FRMPD4: variants seen among roughly 807,000 people sequenced by gnomAD.
FRMPD4 encodes the protein FERM and PDZ domain containing 4, also known as FERM and PDZ domain-containing protein 4.
Under a neutral mutation model 94.1 loss-of-function variants are expected in FRMPD4, and 22 were observed. The ratio of observed to expected loss-of-function variants is 0.23; its 90% CI spans 0.17 to 0.33. FRMPD4 has a LOEUF of 0.33. FRMPD4 is among the 10% of genes least tolerant of loss of function. The pLI is 1.00. For synonymous variants in FRMPD4, 631 were observed against 548.6 expected (o/e 1.15, Z -2.10); for missense variants, 1,111 against 1,339.9 (o/e 0.83, Z 2.67).
intron 2 of FRMPD4, among the ~76,000 whole-genome samples, chrX:11,875,561 C>T (rs923536628): frequency 8.9e-6 from 1 of 112,014 alleles, no homozygotes; most frequent in African/African-American, 3.2e-5. Flanking sequence ...CACTGAATAT[C>T]CTGTGAATTT....
intron 3 of FRMPD4, among the ~76,000 whole-genome samples, chrX:11,988,828 CA>C (rs1232605597): frequency 8.9e-6 from 1 of 111,816 alleles, no homozygotes; most frequent in African/African-American, 3.2e-5. Flanking sequence ...AGAAGACATA[CA>C]AATGGCAAAC....
chrX:12,081,100 C>T (rs6640885), intron 3 of FRMPD4, among the ~76,000 whole-genome samples: 7,898 of 111,593 alleles, frequency 0.071, 275 homozygotes, highest in East Asian at 0.24. Context: ...AAAGACTAGA[C>T]TATGGTTTAC....
In FRMPD4 at chrX:12,716,298, C is replaced by T; in HGVS notation, c.1839C>T (p.Pro613=). The T allele has an allele frequency of 3.3e-6, 4 of 1,210,518 alleles. No individual in the cohort carries two copies. Among genetic ancestry groups the T allele is most frequent in the Non-Finnish European group, 4.5e-6 (4 of 894,290 alleles). The change falls in exon 15 of 17, where the codon CCC becomes CCT. Residue 613 remains proline, a synonymous_variant. Transcript: ENST00000675598. ...GACTTAACCAGCAGCTGAGCCAGCC[C>T]GGGGAGGCCCCCTGTGAGGCAGACT... ...SDGLNQQLSQ[P]GEAPCEADYR...
intron 3 of FRMPD4, among the ~76,000 whole-genome samples, chrX:12,121,276 T>G (rs1634280): frequency 0.15 from 16,461 of 109,954 alleles, 1,400 homozygotes; most frequent in African/African-American, 0.32. Context: ...AGATCTTAGA[T>G]TTGCAAAAAA....
chrX:12,650,474 T>A (rs1159664157), intron 4 of FRMPD4, among the ~76,000 whole-genome samples: 1 of 112,210 alleles, frequency 8.9e-6, no homozygotes, highest in African/African-American at 3.2e-5. Context: ...GTTTAATGAA[T>A]TCCAACGGTC....
At chrX:12,463,566 C>G (rs139634752) in intron 1 of FRMPD4, among the ~76,000 whole-genome samples, 109 of 110,554 alleles carry the variant, frequency 9.9e-4, no homozygotes, top group Middle Eastern at 9.4e-3. Context: ...AGTAAGCATT[C>G]GTTTTGACCA....
In FRMPD4 at chrX:12,106,544, G is replaced by A. The variant is rs756769868; in HGVS notation, c.95+228526G>A. On this transcript the variant is annotated intron_variant, in intron 3 of 18. Transcript: ENST00000640291. ...CGGGTTCATCTCACTGGGGCTTGTC[G>A]GACAGTAGGGGCAGGACAGTGGGTG... Among the ~76,000 whole-genome samples the A allele has an allele frequency of 3.0e-3, 338 of 111,070 alleles. 1 individual carries two copies. Among genetic ancestry groups the A allele is most frequent in the Non-Finnish European group, 4.8e-3 (253 of 52,924 alleles).
intron 3 of FRMPD4, among the ~76,000 whole-genome samples, chrX:12,076,348 G>A (rs1353922795): frequency 9.2e-6 from 1 of 109,288 alleles, no homozygotes; most frequent in South Asian, 4.0e-4. Flanking sequence ...GTGTGTGTGT[G>A]TGTGTGTGTA....
intron 1 of FRMPD4, among the ~76,000 whole-genome samples, chrX:12,148,180 C>T (rs1260186974): frequency 3.6e-5 from 4 of 112,279 alleles, no homozygotes; most frequent in South Asian, 7.4e-4. Context: ...ATGTTGAAAG[C>T]TGAGATAGGC....
intron 2 of FRMPD4, among the ~76,000 whole-genome samples, chrX:11,870,532 G>A (rs778387782): frequency 9.0e-6 from 1 of 111,618 alleles, no homozygotes; most frequent in East Asian, 2.8e-4. Context: ...TTCTTATACT[G>A]TGCTGCCTCC....
At chrX:12,479,137 C>T (rs5934006) in intron 1 of FRMPD4, among the ~76,000 whole-genome samples, 16,550 of 109,472 alleles carry the variant, frequency 0.15, 988 homozygotes, top group African/African-American at 0.17. Flanking sequence ...AAAGCATAAA[C>T]CAAATTTATG....
intron 1 of FRMPD4, among the ~76,000 whole-genome samples, chrX:12,220,152 GCAACAA>G (rs3063515): frequency 0.41 from 43,283 of 106,084 alleles, 6,835 homozygotes; most frequent in Non-Finnish European, 0.46. Context: ...AACAACAACA[GCAACAA>G]CAACAACAAC....
chrX:12,602,926 G>A (rs957553894), intron 2 of FRMPD4, among the ~76,000 whole-genome samples: 2 of 112,166 alleles, frequency 1.8e-5, no homozygotes, highest in African/African-American at 6.5e-5. Context: ...AGAGCCAAGG[G>A]GCAGAGAAAC....
intron 1 of FRMPD4, among the ~76,000 whole-genome samples, chrX:11,838,278 T>C (rs2053513219): frequency 9.0e-6 from 1 of 111,094 alleles, no homozygotes; most frequent in African/African-American, 3.3e-5. Context: ...TATAAATATA[T>C]ACTTCGGTTC....
At chrX:11,872,315 T>C (rs1207109857) in intron 2 of FRMPD4, among the ~76,000 whole-genome samples, 1 of 112,405 alleles carries the variant, frequency 8.9e-6, no homozygotes, top group Admixed American at 9.4e-5. Context: ...TTGAACAATA[T>C]TACTGAAGCA....
chrX:12,151,173 C>A (rs1332386979), intron 1 of FRMPD4, among the ~76,000 whole-genome samples: 3 of 110,987 alleles, frequency 2.7e-5, no homozygotes, highest in Admixed American at 1.9e-4. Context: ...TCTCTGAATA[C>A]GTTTATTGTT....
At chrX:12,510,738 G>A (rs1039313764) in intron 2 of FRMPD4, among the ~76,000 whole-genome samples, 2 of 112,497 alleles carry the variant, frequency 1.8e-5, no homozygotes, top group African/African-American at 6.5e-5. Flanking sequence ...TTAGGATAGT[G>A]CAACTAACAG....
At chrX:11,913,536 T>G (rs1205722328) in intron 3 of FRMPD4, among the ~76,000 whole-genome samples, 2 of 111,877 alleles carry the variant, frequency 1.8e-5, no homozygotes, top group Non-Finnish European at 3.8e-5. Flanking sequence ...TAGTCTTTGC[T>G]CCTCTGTGGA....
At chrX:11,934,088 G>A (rs908437357) in intron 3 of FRMPD4, among the ~76,000 whole-genome samples, 5 of 112,053 alleles carry the variant, frequency 4.5e-5, no homozygotes, top group Admixed American at 3.8e-4. Flanking sequence ...GTCTACTGCC[G>A]CATAATCTCA....
Sources: allele counts gnomAD v4.1 joint callset (sites outside exome capture counted in the v4.1 genomes callset), GRCh38; gene constraint gnomAD v4.1.1; transcripts MANE v1.5; gene names NCBI Gene and HGNC (gene_info 2026-07-23, HGNC 2026-07-21).